AOPEP: variants seen among roughly 807,000 people sequenced by gnomAD.
The protein encoded by AOPEP is aminopeptidase O (putative).
Under a neutral mutation model 98.1 loss-of-function variants are expected in AOPEP, and 77 were observed. The ratio of observed to expected loss-of-function variants is 0.78; its 90% CI spans 0.65 to 0.95. AOPEP has a LOEUF of 0.95. Among genes scored for constraint, AOPEP ranks in the 40% least tolerant of loss-of-function variants. AOPEP has a pLI of 0.00. For synonymous variants in AOPEP, 346 were observed against 365.3 expected (o/e 0.95, Z 0.60); for missense variants, 1,024 against 1,024.7 (o/e 1.00, Z 0.01).
At chr9:95,062,758 C>T (rs902538127) in intron 14 of AOPEP, among the ~76,000 whole-genome samples, 2 of 152,146 alleles carry the variant, frequency 1.3e-5, no homozygotes, top group Non-Finnish European at 2.9e-5. Context: ...GCTTGAATGT[C>T]GAGGGGTTGT....
At chr9:94,853,535 G>T (rs2043818161) in intron 5 of AOPEP, among the ~76,000 whole-genome samples, 2 of 152,054 alleles carry the variant, frequency 1.3e-5, no homozygotes, top group African/African-American at 4.8e-5. Context: ...TTATCAGATG[G>T]TGACATGAAG....
intron 11 of AOPEP, among the ~76,000 whole-genome samples, chr9:94,981,149 G>A (rs1464971869): frequency 1.3e-5 from 2 of 152,198 alleles, no homozygotes; most frequent in African/African-American, 4.8e-5. Flanking sequence ...GTGGTGCTGG[G>A]GCTGGCTCTC....
At chr9:94,903,290 C>T (rs2050671388) in intron 5 of AOPEP, among the ~76,000 whole-genome samples, 1 of 151,816 alleles carries the variant, frequency 6.6e-6, no homozygotes, top group African/African-American at 2.4e-5. Flanking sequence ...GCCTTAAAAC[C>T]TTTTCTTGAT....
At chr9:95,145,964 C>CT in the AOPEP span, among the ~76,000 whole-genome samples, 8 of 110,160 alleles carry the variant, frequency 7.3e-5, no homozygotes, top group African/African-American at 2.8e-4. Flanking sequence ...AACTCTGATT[C>CT]TTTATTTTTT....
chr9:95,040,170 C>G (rs2065167157), intron 13 of AOPEP, among the ~76,000 whole-genome samples: 1 of 152,192 alleles, frequency 6.6e-6, no homozygotes, highest in South Asian at 2.1e-4. Flanking sequence ...AGAGCCACAC[C>G]AGGGGATTCT....
the AOPEP span, among the ~76,000 whole-genome samples, chr9:95,092,281 G>A: frequency 6.6e-6 from 1 of 152,140 alleles, no homozygotes; most frequent in Non-Finnish European, 1.5e-5. Flanking sequence ...GGCCCAGGGG[G>A]AGCTGCTGTA....
intron 5 of AOPEP, among the ~76,000 whole-genome samples, chr9:94,827,775 A>T (rs1278946730): frequency 6.6e-6 from 1 of 152,166 alleles, no homozygotes; most frequent in Admixed American, 6.5e-5. Context: ...TGGGATCCCT[A>T]GGCTTTCAAG....
chr9:94,870,209 C>T (rs1341532603), intron 5 of AOPEP, among the ~76,000 whole-genome samples: 2 of 151,988 alleles, frequency 1.3e-5, no homozygotes, highest in Non-Finnish European at 2.9e-5. Context: ...AGGCTTGTCT[C>T]GAACTCCTGA....
chr9:95,005,075 G>C, intron 11 of AOPEP, 83 bp from the exon 12 acceptor site: 1 of 636,752 alleles, frequency 1.6e-6, no homozygotes, highest in Non-Finnish European at 2.0e-6. Context: ...GGTACGGGGC[G>C]GGCACGCCGA....
At chr9:94,809,295 A>T (rs1849947500) in intron 5 of AOPEP, among the ~76,000 whole-genome samples, 1 of 152,208 alleles carries the variant, frequency 6.6e-6, no homozygotes, top group African/African-American at 2.4e-5. Context: ...TAATATTCTT[A>T]TGATCCTGAT....
intron 5 of AOPEP, among the ~76,000 whole-genome samples, chr9:94,847,802 G>A (rs2043043968): frequency 6.6e-6 from 1 of 152,196 alleles, no homozygotes; most frequent in African/African-American, 2.4e-5. Context: ...TCTTTTAACA[G>A]ATGAAGGAGG....
At chr9:94,982,699 A>G (rs2060266311) in intron 11 of AOPEP, among the ~76,000 whole-genome samples, 1 of 151,536 alleles carries the variant, frequency 6.6e-6, no homozygotes, top group South Asian at 2.1e-4. Flanking sequence ...AAAGAGCTGC[A>G]CCGCTTCCTG....
intron 5 of AOPEP, among the ~76,000 whole-genome samples, chr9:94,805,019 G>C (rs1848947160): frequency 6.6e-6 from 1 of 152,190 alleles, no homozygotes; most frequent in Non-Finnish European, 1.5e-5. Flanking sequence ...TGAAGGCCAG[G>C]ATGGTGGCAG....
At chr9:95,094,221 T>C in the AOPEP span, among the ~76,000 whole-genome samples, 1 of 152,200 alleles carries the variant, frequency 6.6e-6, no homozygotes, top group South Asian at 2.1e-4. Context: ...ATGTGCGCAC[T>C]AGTGTGGATC....
intron 1 of AOPEP, among the ~76,000 whole-genome samples, chr9:94,739,803 C>T (rs1010032570): frequency 6.6e-6 from 1 of 152,120 alleles, no homozygotes; most frequent in Admixed American, 6.5e-5. Context: ...TTGGACTGTT[C>T]TTCTACCCAC....
At chr9:94,912,876 C>G (rs2052280982) in intron 5 of AOPEP, among the ~76,000 whole-genome samples, 9 of 152,222 alleles carry the variant, frequency 5.9e-5, no homozygotes, top group Admixed American at 5.9e-4. Flanking sequence ...TCCTCCAGCT[C>G]CCGCTGCACT....
At chr9:95,028,277 T>C (rs1346324078) in intron 13 of AOPEP, among the ~76,000 whole-genome samples, 1 of 152,246 alleles carries the variant, frequency 6.6e-6, no homozygotes, top group Non-Finnish European at 1.5e-5. Flanking sequence ...CAGTTTGTTA[T>C]AAAGGAACGG....
intron 5 of AOPEP, among the ~76,000 whole-genome samples, chr9:94,851,600 T>A (rs1397296947): frequency 6.6e-6 from 1 of 151,676 alleles, no homozygotes; most frequent in Non-Finnish European, 1.5e-5. Context: ...CAGAAGATGT[T>A]TAATCTTTCT....
chr9:95,149,990 G>A, the AOPEP span: 1 of 1,613,804 alleles, frequency 6.2e-7, no homozygotes, highest in South Asian at 1.1e-5. Flanking sequence ...TCACGTCCAT[G>A]ACAGATGAGG....
Sources: allele counts gnomAD v4.1 joint callset (sites outside exome capture counted in the v4.1 genomes callset), GRCh38; gene constraint gnomAD v4.1.1; transcripts MANE v1.5; gene names NCBI Gene and HGNC (gene_info 2026-07-23, HGNC 2026-07-21).